Variants in PRKCB observed in about 807,000 individuals in gnomAD.
PRKCB encodes protein kinase C beta.
PRKCB carries 13 observed loss-of-function variants against 81.5 expected under a neutral mutation model. That is an observed-to-expected ratio of 0.16 (90% confidence interval 0.10 to 0.25). The LOEUF (loss-of-function observed/expected upper bound fraction) is 0.25, where lower values mean the gene tolerates loss of function less well. PRKCB is among the 10% of genes least tolerant of loss of function. The pLI, the probability that PRKCB is intolerant of heterozygous loss-of-function variation, is 1.00. For missense variants in PRKCB, 509 were observed against 875.7 expected (o/e 0.58, Z 5.29); for synonymous variants, 335 against 321.4 (o/e 1.04, Z -0.45).
intron 16 of PRKCB, among the ~76,000 whole-genome samples, chr16:24,211,668 C>T (rs1416284175): frequency 1.3e-5 from 2 of 151,294 alleles, no homozygotes; most frequent in African/African-American, 4.9e-5. Context: ...AAGTGATTCT[C>T]CTGCCTCAGC....
At chr16:24,029,767 G>C (rs980806472) in intron 3 of PRKCB, among the ~76,000 whole-genome samples, 1 of 152,180 alleles carries the variant, frequency 6.6e-6, no homozygotes, top group Non-Finnish European at 1.5e-5. Context: ...ATCTGTGGCA[G>C]CATCAATAAA....
At chr16:23,944,820 T>C (rs1964184302) in intron 2 of PRKCB, among the ~76,000 whole-genome samples, 1 of 152,242 alleles carries the variant, frequency 6.6e-6, no homozygotes. Flanking sequence ...CAAAAGCTGA[T>C]TTGCTGAATT....
chr16:23,844,509 A>G (rs1962329579), intron 2 of PRKCB, among the ~76,000 whole-genome samples: 1 of 151,958 alleles, frequency 6.6e-6, no homozygotes. Flanking sequence ...TTCTCCTTCT[A>G]AAAGTTCTTT....
chr16:24,174,949 A>G (rs901107517), intron 12 of PRKCB: 2 of 183,892 alleles, frequency 1.1e-5, no homozygotes, highest in African/African-American at 4.7e-5. Context: ...GGATCACATT[A>G]TTATGAAACA....
intron 9 of PRKCB, among the ~76,000 whole-genome samples, chr16:24,128,845 ACTGT>A (rs1465775848): frequency 1.3e-5 from 2 of 152,106 alleles, no homozygotes; most frequent in Non-Finnish European, 2.9e-5. Flanking sequence ...TTTATCCTTA[ACTGT>A]CTGTTTTTAT....
At chr16:23,914,134 A>G (rs1007454095) in intron 2 of PRKCB, among the ~76,000 whole-genome samples, 6 of 152,118 alleles carry the variant, frequency 3.9e-5, no homozygotes, top group African/African-American at 1.4e-4. Context: ...CGAGTTCCTA[A>G]GTAGCTGAGA....
intron 3 of PRKCB, among the ~76,000 whole-genome samples, chr16:24,016,611 T>A (rs907126512): frequency 4.6e-5 from 7 of 152,080 alleles, no homozygotes; most frequent in African/African-American, 1.4e-4. Context: ...AAAATCCCAG[T>A]TAAAATAGCA....
intron 2 of PRKCB, chr16:23,893,488 TTCAGCTG>T (rs1278922650): frequency 6.6e-6 from 1 of 152,206 alleles, no homozygotes; most frequent in Non-Finnish European, 1.5e-5. Flanking sequence ...GAATTCCAGG[TTCAGCTG>T]TCTGAACAGT....
At chr16:24,193,161 G>C (rs1057419054) in intron 16 of PRKCB, among the ~76,000 whole-genome samples, 5 of 151,840 alleles carry the variant, frequency 3.3e-5, no homozygotes, top group Non-Finnish European at 5.9e-5. Flanking sequence ...ATGGGGTCTT[G>C]GCCGGGTGCG....
intron 7 of PRKCB, among the ~76,000 whole-genome samples, chr16:24,109,070 G>A (rs1181575442): frequency 1.0e-4 from 15 of 147,408 alleles, no homozygotes; most frequent in African/African-American, 2.8e-4. Context: ...GCGGCTGGCC[G>A]GGCAGAGGGG....
intron 3 of PRKCB, among the ~76,000 whole-genome samples, chr16:24,021,085 T>TTTTTTCTTTCTTTC (rs1965374641): frequency 3.8e-5 from 5 of 130,242 alleles, no homozygotes; most frequent in South Asian, 2.6e-4. Flanking sequence ...CTTTCTTTCT[T>TTTTTTCTTTCTTTC]TCTTTTTTTC....
chr16:24,171,508 A>G (rs1967441325), intron 10 of PRKCB, among the ~76,000 whole-genome samples: 2 of 152,154 alleles, frequency 1.3e-5, no homozygotes, highest in Admixed American at 1.3e-4. Context: ...AGGGGAAGGT[A>G]CTACACAAGA....
intron 6 of PRKCB, among the ~76,000 whole-genome samples, chr16:24,093,363 A>G (rs969915556): frequency 9.2e-5 from 14 of 152,208 alleles, no homozygotes; most frequent in Non-Finnish European, 1.5e-5. Flanking sequence ...GGACATCTCC[A>G]CCAGCCTCCC....
At chr16:24,081,265 A>G (rs34922649) in intron 5 of PRKCB, among the ~76,000 whole-genome samples, 1 of 136,300 alleles carries the variant, frequency 7.3e-6, no homozygotes, top group Non-Finnish European at 1.5e-5. Flanking sequence ...GCTTAATAAT[A>G]AAAAAAAAAA....
In PRKCB at chr16:23,894,708, T is replaced by C. The variant is rs186485199; in HGVS notation, c.205+57302T>C. 6.2e-4 allele frequency among the ~76,000 whole-genome samples: 94 copies of C among 152,160 alleles called. 1 individual carries two copies. Among genetic ancestry groups the C allele is most frequent in the Admixed American group, 6.2e-3 (94 of 15,276 alleles). The stretch of plus-strand genomic sequence containing the variant: ...ATATTTTTTTAAGGCAGAAGAAAAA[T>C]GTATGTTCATTGTAAAAACCTGAAG... On this transcript the variant is annotated intron_variant, in intron 2 of 16. Coordinates refer to ENST00000643927, the MANE Select transcript of PRKCB (RefSeq NM_002738.7).
intron 2 of PRKCB, among the ~76,000 whole-genome samples, chr16:23,923,503 G>A (rs573792100): frequency 6.6e-6 from 1 of 152,222 alleles, no homozygotes; most frequent in East Asian, 1.9e-4. Flanking sequence ...GTTCCGGATG[G>A]AATTAACACT....
intron 9 of PRKCB, among the ~76,000 whole-genome samples, chr16:24,131,282 G>T (rs1433849171): frequency 6.6e-6 from 1 of 152,228 alleles, no homozygotes; most frequent in Non-Finnish European, 1.5e-5. Context: ...AGAGGTGAGA[G>T]ACAGAACCAT....
At chr16:24,076,212 A>G (rs1966175074) in intron 5 of PRKCB, among the ~76,000 whole-genome samples, 2 of 152,200 alleles carry the variant, frequency 1.3e-5, no homozygotes, top group African/African-American at 4.8e-5. Flanking sequence ...TGTTTGGAGC[A>G]TGTGAAAAGC....
chr16:24,081,874 A>G lies in PRKCB; in HGVS notation c.530-10917A>G, dbSNP rs573615928. Among the ~76,000 whole-genome samples, 7 of 152,238 alleles carry G rather than the reference A, an allele frequency of 4.6e-5. No homozygotes were observed. In the South Asian group the frequency reaches 1.5e-3, roughly 32 times the overall value. On this transcript the variant is annotated intron_variant, in intron 5 of 16. Transcript: ENST00000643927. Reference sequence around the variant, plus strand: ...TGACAGAGCAAGACTCTGTCTCAAAAAAGTAATAATAAAATAAAAAATAAA... The same window carrying G: ...TGACAGAGCAAGACTCTGTCTCAAAGAAGTAATAATAAAATAAAAAATAAA...
Sources: gnomAD v4.1 joint callset for allele counts (sites outside exome capture counted in the v4.1 genomes callset) on GRCh38, gnomAD v4.1.1 for gene constraint, MANE v1.5 for transcripts, NCBI Gene and HGNC (gene_info 2026-07-23, HGNC 2026-07-21) for gene names.